The following PDE12 variants were observed in gnomAD, a reference collection of about 807,000 sequenced individuals.
PDE12 encodes 2',5'-phosphodiesterase 12.
Under a neutral mutation model 45.4 loss-of-function variants are expected in PDE12, and 26 were observed. The observed-to-expected ratio is 0.57, with a 90% CI of 0.42 to 0.79. The LOEUF is 0.79. PDE12 is among the 30% of genes least tolerant of loss of function. PDE12 has a pLI of 0.00. For synonymous variants in PDE12, 283 were observed against 323.9 expected, an observed-to-expected ratio of 0.87 and a Z score of 1.36; for missense variants, 668 against 790.0, an observed-to-expected ratio of 0.85 and a Z score of 1.85.
the PDE12 span, among the ~76,000 whole-genome samples, chr3:57,624,946 C>T: frequency 1.2e-4 from 19 of 152,048 alleles, no homozygotes; most frequent in East Asian, 2.9e-3. Flanking sequence ...GTCACCCAGG[C>T]GGGAGTGCAG....
the PDE12 span, among the ~76,000 whole-genome samples, chr3:57,614,544 G>GTTTTTTTTTT: frequency 4.1e-5 from 5 of 121,318 alleles, no homozygotes; most frequent in Non-Finnish European, 4.9e-5. Context: ...TTTGTTTTTT[G>GTTTTTTTTTT]TTTTTTTTTT....
At chr3:57,629,678 AT>A in the PDE12 span, among the ~76,000 whole-genome samples, 3,149 of 136,440 alleles carry the variant, frequency 0.023, 70 homozygotes, top group African/African-American at 0.067. Flanking sequence ...CGCCCGGCTA[AT>A]TTTTTTTTTT....
the PDE12 span, chr3:57,572,328 T>C: frequency 2.0e-6 from 3 of 1,524,354 alleles, no homozygotes; most frequent in East Asian, 6.8e-5. Flanking sequence ...AAATACTTGA[T>C]TAACAAAGTT....
chr3:57,568,684 G>T (rs532326040), downstream of PDE12, among the ~76,000 whole-genome samples: 40 of 151,064 alleles, frequency 2.6e-4, no homozygotes, highest in South Asian at 6.9e-3. Context: ...GCCTCCCAAA[G>T]TGCTGGGATT....
the PDE12 span, among the ~76,000 whole-genome samples, chr3:57,587,629 T>C: frequency 2.0e-5 from 3 of 152,268 alleles, no homozygotes; most frequent in East Asian, 5.8e-4. Context: ...TTTCCTGATG[T>C]ATCTTTTTGA....
the PDE12 span, chr3:57,634,585 A>G: frequency 1.9e-5 from 28 of 1,448,614 alleles, no homozygotes; most frequent in Non-Finnish European, 2.5e-5. Flanking sequence ...TGATCTCTTC[A>G]TCTCTATTTA....
the PDE12 span, among the ~76,000 whole-genome samples, chr3:57,610,144 T>C: frequency 6.6e-6 from 1 of 152,132 alleles, no homozygotes; most frequent in Non-Finnish European, 1.5e-5. Flanking sequence ...CACATGATTA[T>C]CTCAATAGAT....
the PDE12 span, among the ~76,000 whole-genome samples, chr3:57,576,997 A>G: frequency 6.6e-6 from 1 of 151,818 alleles, no homozygotes; most frequent in Non-Finnish European, 1.5e-5. Flanking sequence ...TAAGGGACTG[A>G]GCTAAATCAG....
At chr3:57,624,581 T>C in the PDE12 span, among the ~76,000 whole-genome samples, 2 of 151,574 alleles carry the variant, frequency 1.3e-5, no homozygotes, top group South Asian at 4.2e-4. Flanking sequence ...CTGGCCAACA[T>C]GGTGAAACCC....
the PDE12 span, among the ~76,000 whole-genome samples, chr3:57,623,220 G>T: frequency 0.026 from 3,915 of 150,746 alleles, 168 homozygotes; most frequent in African/African-American, 0.09. Flanking sequence ...AGACCAGCCT[G>T]GGCAACACCG....
At chr3:57,590,613 T>G in the PDE12 span, among the ~76,000 whole-genome samples, 4 of 152,240 alleles carry the variant, frequency 2.6e-5, no homozygotes, top group Non-Finnish European at 2.9e-5. Flanking sequence ...ATGTTTTCCT[T>G]TATCTTTCAA....
the PDE12 span, among the ~76,000 whole-genome samples, chr3:57,629,643 C>T: frequency 1.3e-5 from 2 of 150,658 alleles, no homozygotes; most frequent in Non-Finnish European, 3.0e-5. Flanking sequence ...TCCCGAGTAG[C>T]TGGGACTACA....
the PDE12 span, chr3:57,628,159 T>C: frequency 1.3e-6 from 2 of 1,575,678 alleles, no homozygotes; most frequent in East Asian, 2.3e-5. Flanking sequence ...CTGGTTGAAA[T>C]GTCAGTATGC....
At chr3:57,618,808 A>C in the PDE12 span, among the ~76,000 whole-genome samples, 1 of 150,218 alleles carries the variant, frequency 6.7e-6, no homozygotes, top group Non-Finnish European at 1.5e-5. Flanking sequence ...GGGTTTCACC[A>C]TGTTGCCCAG....
At chr3:57,589,059 G>A in the PDE12 span, among the ~76,000 whole-genome samples, 2 of 151,050 alleles carry the variant, frequency 1.3e-5, no homozygotes, top group African/African-American at 4.9e-5. Context: ...CTGAGATCGC[G>A]CCATTACACT....
At chr3:57,620,338 C>T in the PDE12 span, among the ~76,000 whole-genome samples, 2 of 151,918 alleles carry the variant, frequency 1.3e-5, no homozygotes, top group Non-Finnish European at 2.9e-5. Context: ...ATCATTTGAG[C>T]CCAGGAGTTT....
chr3:57,598,738 G>A, the PDE12 span, among the ~76,000 whole-genome samples: 2 of 152,190 alleles, frequency 1.3e-5, no homozygotes, highest in South Asian at 4.2e-4. Context: ...CGGAGATCGC[G>A]CCCCTGCACT....
chr3:57,628,072 TAC>T, the PDE12 span: 2 of 1,241,040 alleles, frequency 1.6e-6, no homozygotes, highest in Non-Finnish European at 2.2e-6. Flanking sequence ...GTTTATACAA[TAC>T]AGTCTTTCTA....
the PDE12 span, among the ~76,000 whole-genome samples, chr3:57,580,802 A>T: frequency 1.3e-5 from 2 of 148,812 alleles, no homozygotes; most frequent in Non-Finnish European, 3.0e-5. Flanking sequence ...ATGTAAAGAC[A>T]GGGTCTCACT....
Sources: gnomAD v4.1 joint callset for allele counts (sites outside exome capture counted in the v4.1 genomes callset) on GRCh38, gnomAD v4.1.1 for gene constraint, MANE v1.5 for transcripts, NCBI Gene and HGNC (gene_info 2026-07-23, HGNC 2026-07-21) for gene names.